The following AGBL3 variants were observed in gnomAD, a reference collection of about 807,000 sequenced individuals.
AGBL3 encodes cytosolic carboxypeptidase 3.
In AGBL3, 68 loss-of-function variants were observed where a neutral mutation model predicts 94.5. The observed-to-expected ratio is 0.72, with a 90% CI of 0.59 to 0.88. AGBL3 has a LOEUF of 0.88. Among genes scored for constraint, AGBL3 ranks in the 40% least tolerant of loss-of-function variants. The pLI is 0.00. For missense variants in AGBL3, 934 were observed against 1,103.8 expected (o/e 0.85, Z 2.18); for synonymous variants, 354 against 370.7 (o/e 0.95, Z 0.52).
intron 16 of AGBL3, among the ~76,000 whole-genome samples, chr7:135,133,776 A>C (rs1385614111): frequency 6.6e-6 from 1 of 152,134 alleles, no homozygotes; most frequent in Non-Finnish European, 1.5e-5. Context: ...TCACAAAAAA[A>C]CCTGTGTGTA....
chr7:135,017,315 A>G (rs960649170), intron 5 of AGBL3, 156 bp downstream of exon 5: 14 of 608,130 alleles, frequency 2.3e-5, no homozygotes, highest in Admixed American at 8.8e-5. Context: ...GTGTTGATTT[A>G]GAGCCAGTTA....
rs563430315 is a variant in AGBL3 at position 135,003,251 on chromosome 7, C to T, written c.310+9573C>T. Among the ~76,000 whole-genome samples the T allele has an allele frequency of 5.9e-5, 9 of 152,208 alleles. No individual in the cohort carries two copies. The South Asian group carries it at 1.7e-3, about 28-fold the overall frequency. ...CAACAAAATTTATTAAATGAATTAT[C>T]TTTTTCTACCCACTTACAATGCCAC... On this transcript the variant is annotated intron_variant, in intron 4 of 16. Transcript: ENST00000436302.
intron 15 of AGBL3, chr7:135,101,325 G>T: frequency 2.2e-6 from 1 of 450,770 alleles, no homozygotes; most frequent in Non-Finnish European, 4.5e-6. Context: ...TACAAAGATG[G>T]TTTTCACTAT....
chr7:135,055,948 ATATC>A lies in AGBL3; in HGVS notation c.1842-3213_1842-3210del, dbSNP rs200651039. ...TTCTTTAATTGATATATAGATCTAT[ATATC>A]TATCTATTAGATCTATATCTCTCCC... On this transcript the variant is annotated intron_variant, in intron 11 of 16. Coordinates refer to ENST00000436302, the MANE Select transcript of AGBL3 (RefSeq NM_178563.4). Among the ~76,000 whole-genome samples the A allele has an allele frequency of 9.8e-3, 1,484 of 152,180 alleles. 17 individuals carry two copies. Among genetic ancestry groups the A allele is most frequent in the Non-Finnish European group, 0.012 (810 of 67,980 alleles).
intron 4 of AGBL3, among the ~76,000 whole-genome samples, chr7:134,995,847 GA>G (rs1407488974): frequency 1.3e-5 from 2 of 152,146 alleles, no homozygotes; most frequent in Non-Finnish European, 2.9e-5. Context: ...CTGTGCCCCT[GA>G]AATTTTTGCA....
chr7:135,097,582 C>T (rs1388235196), intron 15 of AGBL3, among the ~76,000 whole-genome samples: 1 of 152,204 alleles, frequency 6.6e-6, no homozygotes, highest in Non-Finnish European at 1.5e-5. Context: ...AGATCTTACC[C>T]ACTAAATGTC....
Position 135,034,650 on chromosome 7 carries a change from G to A in AGBL3, c.1059G>A (p.Lys353=), listed in dbSNP as rs1240472398. 1 of 1,551,618 alleles carries A rather than the reference G, an allele frequency of 6.4e-7. No homozygotes were observed. The stretch of plus-strand genomic sequence containing the variant: ...CCTTGAAGAACTCTGACTCAAGAAA[G>A]CGGAAGGCTGTGATTCTGACTGCAA... ...TTPLKNSDSR[K]RKAVILTARV... The change falls in exon 7 of 17, where the codon AAG becomes AAA. Residue 353 remains lysine, a synonymous_variant. Coordinates refer to ENST00000436302, the MANE Select transcript of AGBL3 (RefSeq NM_178563.4).
At chr7:135,000,315 A>G (rs947698536) in intron 4 of AGBL3, among the ~76,000 whole-genome samples, 3 of 152,186 alleles carry the variant, frequency 2.0e-5, no homozygotes, top group African/African-American at 7.2e-5. Flanking sequence ...TCTGGAATAG[A>G]TTAGCATTTG....
chr7:135,045,933 A>C, intron 11 of AGBL3, 22 bp downstream of exon 11: 2 of 1,405,848 alleles, frequency 1.4e-6, no homozygotes, highest in Non-Finnish European at 2.0e-6. Context: ...CTGCTGAAGT[A>C]ATGCAATTTG....
At chr7:135,124,487 C>G (rs1187691969) in intron 16 of AGBL3, among the ~76,000 whole-genome samples, 1 of 152,138 alleles carries the variant, frequency 6.6e-6, no homozygotes, top group South Asian at 2.1e-4. Context: ...GACAGATCAA[C>G]AAGACAGAAA....
intron 12 of AGBL3, among the ~76,000 whole-genome samples, chr7:135,072,853 T>G (rs933424721): frequency 6.6e-6 from 1 of 151,988 alleles, no homozygotes; most frequent in Admixed American, 6.6e-5. Context: ...ACATGGCACA[T>G]GTATACATAT....
chr7:135,026,768 A>G (rs903806417), intron 5 of AGBL3, among the ~76,000 whole-genome samples: 1 of 151,488 alleles, frequency 6.6e-6, no homozygotes, highest in Non-Finnish European at 1.5e-5. Context: ...ATATAGTAGT[A>G]CCTTACTTTA....
At chr7:135,062,678 T>C (rs1563228416) in intron 12 of AGBL3, among the ~76,000 whole-genome samples, 1 of 152,166 alleles carries the variant, frequency 6.6e-6, no homozygotes, top group Non-Finnish European at 1.5e-5. Flanking sequence ...TCAATTTGCA[T>C]ATGTTGAACC....
At chr7:135,020,694 T>C (rs919117351) in intron 5 of AGBL3, among the ~76,000 whole-genome samples, 7 of 152,118 alleles carry the variant, frequency 4.6e-5, no homozygotes, top group Non-Finnish European at 1.5e-5. Flanking sequence ...ATTAAGAAAC[T>C]GTGGCACATG....
At chr7:135,047,789 T>G (rs939056205) in intron 11 of AGBL3, among the ~76,000 whole-genome samples, 3 of 152,014 alleles carry the variant, frequency 2.0e-5, no homozygotes, top group Non-Finnish European at 4.4e-5. Context: ...ATTAGATGTA[T>G]AGTTTGCACA....
intron 12 of AGBL3, among the ~76,000 whole-genome samples, chr7:135,075,601 G>T (rs1820371151): frequency 6.6e-6 from 1 of 152,168 alleles, no homozygotes; most frequent in African/African-American, 2.4e-5. Context: ...AGTTCAATTG[G>T]TAGGTGGTAT....
intron 7 of AGBL3, among the ~76,000 whole-genome samples, chr7:135,036,652 A>C (rs1816339960): frequency 6.6e-6 from 1 of 152,234 alleles, no homozygotes; most frequent in Admixed American, 6.5e-5. Flanking sequence ...CAATATCTTT[A>C]AGTGCTACCG....
chr7:135,098,516 G>A (rs187047194), intron 15 of AGBL3, among the ~76,000 whole-genome samples: 196 of 152,286 alleles, frequency 1.3e-3, no homozygotes, highest in African/African-American at 4.5e-3. Flanking sequence ...CACGGATGTG[G>A]AGCCCACACA....
intron 16 of AGBL3, 23 bp from the exon 17 acceptor site, chr7:135,134,818 C>G (rs1829257840): frequency 6.5e-7 from 1 of 1,542,154 alleles, no homozygotes; most frequent in Non-Finnish European, 8.8e-7. Context: ...GACAAAAATT[C>G]ACGTATTTCA....
Sources: allele counts gnomAD v4.1 joint callset (sites outside exome capture counted in the v4.1 genomes callset), GRCh38; gene constraint gnomAD v4.1.1; transcripts MANE v1.5; gene names NCBI Gene and HGNC (gene_info 2026-07-23, HGNC 2026-07-21).